PIGM: variants seen among roughly 807,000 people sequenced by gnomAD.
PIGM encodes the protein phosphatidylinositol glycan anchor biosynthesis class M.
Under a neutral mutation model 14.6 loss-of-function variants are expected in PIGM, and 7 were observed. The observed-to-expected ratio is 0.48, with a 90% CI of 0.27 to 0.90. The LOEUF is 0.90. PIGM is among the 40% of genes least tolerant of loss of function. PIGM has a pLI of 0.12. For missense variants in PIGM, 506 were observed against 516.2 expected (o/e 0.98, Z 0.19); for synonymous variants, 216 against 215.9 (o/e 1.00, Z 0.00).
chr1:160,030,157 T>G lies in PIGM; in HGVS notation c.*311A>C. On this transcript the variant is annotated 3_prime_UTR_variant, in exon 1 of 1. Coordinates refer to ENST00000368090, the MANE Select transcript of PIGM (RefSeq NM_145167.3). ...AACAAATACTGGCTTAAACCTGATG[T>G]CTCTAACTATATTCCTCTATTTTAA... 3 of 327,188 alleles carry G rather than the reference T, an allele frequency of 9.2e-6. No individual in the cohort carries two copies. The highest frequency in any genetic ancestry group is 1.8e-5 in the Non-Finnish European group (3 of 169,670). The allele number at this position is 327,188 out of a possible 1,614,324, so 20.3% of individuals were successfully genotyped here. A position where few individuals can be genotyped will look rare whatever the true frequency, so the allele number is the denominator to read the frequency against.
At position 160,030,842 on chromosome 1, in the gene PIGM, T is replaced by A. The variant is rs145583018; in HGVS notation, c.898A>T (p.Ile300Phe). The part of the protein sequence containing the change: ...LGIAAFLPQL[I>F]LLSAVSFAYY... The stretch of plus-strand genomic sequence containing the variant: ...GCGAAAGACACAGCTGAAAGCAAGA[T>A]GAGCTGTGGCAGGAATGCAGCAATT... Residue 300 changes from isoleucine (I) to phenylalanine (F), a missense_variant, in exon 1 of 1, where the codon ATC becomes TTC. Physicochemically the swap from Ile to Phe is conservative, Grantham distance 21. Coordinates refer to ENST00000368090, the MANE Select transcript of PIGM (RefSeq NM_145167.3). The A allele has an allele frequency of 1.2e-6, 2 of 1,614,242 alleles. No individual in the cohort carries two copies. Among genetic ancestry groups the A allele is most frequent in the African/African-American group, 1.3e-5 (1 of 75,060 alleles).
In PIGM at chr1:160,025,953, T is replaced by C. The variant is rs537256145; in HGVS notation, c.*4515A>G. ...CCCAAAATTGGTTAATCATGAAAAA[T>C]TTACCATCATCAAGATGTAAAATAA... On this transcript the variant is annotated 3_prime_UTR_variant, in exon 1 of 1. Coordinates refer to ENST00000368090, the MANE Select transcript of PIGM (RefSeq NM_145167.3). The C allele has an allele frequency of 7.9e-5, 12 of 152,034 alleles. No homozygotes were observed. Among genetic ancestry groups the C allele is most frequent in the African/African-American group, 2.4e-4 (10 of 41,456 alleles). The allele number at this position is 152,034 out of a possible 1,614,324, so 9.4% of individuals were successfully genotyped here.
In PIGM at chr1:160,029,450, G is replaced by A. The variant is rs1299445138; in HGVS notation, c.*1018C>T. 1.4e-5 allele frequency: 2 copies of A among 142,434 alleles called. No individual in the cohort carries two copies. The highest frequency in any genetic ancestry group is 3.0e-5 in the Non-Finnish European group (2 of 66,758). The allele number at this position is 142,434 out of a possible 1,614,324, so 8.8% of individuals were successfully genotyped here. A position where few individuals can be genotyped will look rare whatever the true frequency, so the allele number is the denominator to read the frequency against. On this transcript the variant is annotated 3_prime_UTR_variant, in exon 1 of 1. Transcript: ENST00000368090. Reference sequence around the variant, plus strand: ...CTTGCTCTGTCGCCCAGGCTGGAGCGCAGTGGTGCCATCTCGGCTCACTAC... The same window carrying A: ...CTTGCTCTGTCGCCCAGGCTGGAGCACAGTGGTGCCATCTCGGCTCACTAC...
At position 160,026,179 on chromosome 1, in the gene PIGM, C is replaced by G. The variant is rs571361085; in HGVS notation, c.*4289G>C. The G allele has an allele frequency of 3.9e-5, 6 of 152,266 alleles. No individual in the cohort carries two copies. The highest frequency in any genetic ancestry group is 7.2e-5 in the African/African-American group (3 of 41,544). 9.4% of individuals were successfully genotyped at this position (152,266 alleles called of 1,614,324 possible). A position where few individuals can be genotyped will look rare whatever the true frequency, so the allele number is the denominator to read the frequency against. ...TGATGGAAGGTAAACCCCTTTAGTTCTCACTTTGTTTTTAAGACTAGGAAA... is the reference window on the plus strand; with the variant it reads ...TGATGGAAGGTAAACCCCTTTAGTTGTCACTTTGTTTTTAAGACTAGGAAA... On this transcript the variant is annotated 3_prime_UTR_variant, in exon 1 of 1. Transcript: ENST00000368090.
In PIGM at chr1:160,030,890, T is replaced by C. The variant is rs762950078; in HGVS notation, c.850A>G (p.Ser284Gly). 1 of 1,614,132 alleles carries C rather than the reference T, an allele frequency of 6.2e-7. No individual in the cohort carries two copies. Among genetic ancestry groups the C allele is most frequent in the Non-Finnish European group, 8.5e-7 (1 of 1,180,054 alleles). Residue 284 changes from serine to glycine, a missense_variant, in exon 1 of 1, where the codon AGC (serine) becomes GGC (glycine). Ser to Gly is a moderately conservative substitution (Grantham distance 56, BLOSUM62 0). Coordinates refer to ENST00000368090, the MANE Select transcript of PIGM (RefSeq NM_145167.3). ...ATTCCCAGGGAAAAACTCCACTTGC[T>C]CTCTGCAGTCAAATACAGCATGTAG... ...YFYMLYLTAE[S>G]KWSFSLGIAA...
rs1648175699 is a variant in PIGM, at chr1:160,026,072, A to G, written c.*4396T>C. The G allele has an allele frequency of 6.6e-6, 1 of 152,202 alleles. No individual in the cohort carries two copies. The highest frequency in any genetic ancestry group is 1.5e-5 in the Non-Finnish European group (1 of 68,038). The allele number at this position is 152,202 out of a possible 1,614,324, so 9.4% of individuals were successfully genotyped here. Reference sequence around the variant, plus strand: ...CTTTTATCTGGAAAACCTACCAGATAAAACAAAGAGATTACCACCCCCATG... The same window carrying G: ...CTTTTATCTGGAAAACCTACCAGATGAAACAAAGAGATTACCACCCCCATG... On this transcript the variant is annotated 3_prime_UTR_variant, in exon 1 of 1. Coordinates refer to ENST00000368090, the MANE Select transcript of PIGM (RefSeq NM_145167.3).
chr1:160,031,933 T>A lies in PIGM; in HGVS notation c.-194A>T, dbSNP rs1648352937. ...GCTACCTGTCTCCAGCCCCGCGCGGTCTTCTCAGCCGCCCGAGCCAAAAAC... is the reference window on the plus strand; with the variant it reads ...GCTACCTGTCTCCAGCCCCGCGCGGACTTCTCAGCCGCCCGAGCCAAAAAC... On this transcript the variant is annotated 5_prime_UTR_variant, in exon 1 of 1. Coordinates refer to ENST00000368090, the MANE Select transcript of PIGM (RefSeq NM_145167.3). 1.3e-6 allele frequency: 1 copy of A among 750,614 alleles called. No homozygotes were observed. Among genetic ancestry groups the A allele is most frequent in the Admixed American group, 2.1e-5 (1 of 46,928 alleles). The allele number at this position is 750,614 out of a possible 1,614,324, so 46.5% of individuals were successfully genotyped here. A position where few individuals can be genotyped will look rare whatever the true frequency, so the allele number is the denominator to read the frequency against.
In PIGM at chr1:160,031,871, G is replaced by A; in HGVS notation, c.-132C>T. The A allele has an allele frequency of 9.4e-7, 1 of 1,067,074 alleles. No homozygotes were observed. Among genetic ancestry groups the A allele is most frequent in the Non-Finnish European group, 1.4e-6 (1 of 704,406 alleles). The allele number at this position is 1,067,074 out of a possible 1,614,324, so 66.1% of individuals were successfully genotyped here. ...CAGGCTGCCAACCGAAACGACTGCA[G>A]ACTATCACATCCGGCATGAAGCCCC... On this transcript the variant is annotated 5_prime_UTR_variant, in exon 1 of 1. Coordinates refer to ENST00000368090, the MANE Select transcript of PIGM (RefSeq NM_145167.3).
At position 160,028,340 on chromosome 1, in the gene PIGM, C is replaced by T. The variant is rs1648230933; in HGVS notation, c.*2128G>A. The T allele has an allele frequency of 6.6e-6, 1 of 151,778 alleles. No individual in the cohort carries two copies. Among genetic ancestry groups the T allele is most frequent in the African/African-American group, 2.4e-5 (1 of 41,314 alleles). 9.4% of individuals were successfully genotyped at this position (151,778 alleles called of 1,614,324 possible). The stretch of plus-strand genomic sequence containing the variant: ...GGAAAAAAAGGTAAGAATGCTATGG[C>T]TGGAAGGCCACTAGTAAACAAGCAC... On this transcript the variant is annotated 3_prime_UTR_variant, in exon 1 of 1. Coordinates refer to ENST00000368090, the MANE Select transcript of PIGM (RefSeq NM_145167.3).
chr1:160,031,753 G>T lies in PIGM; in HGVS notation c.-14C>A, dbSNP rs751428141. The T allele has an allele frequency of 3.1e-6, 5 of 1,613,798 alleles. No homozygotes were observed. In the Admixed American group the frequency reaches 6.7e-5, roughly 22 times the overall value. ...GGTGGAGCCCATGATCTGACCGTGCGACAGCTGCTTAGCCCCAGCTCCAAA... is the reference window on the plus strand; with the variant it reads ...GGTGGAGCCCATGATCTGACCGTGCTACAGCTGCTTAGCCCCAGCTCCAAA... On this transcript the variant is annotated 5_prime_UTR_variant, in exon 1 of 1. Transcript: ENST00000368090.
chr1:160,025,051 T>A lies in PIGM; in HGVS notation c.*5417A>T, dbSNP rs1229175925. ...TAGTCAAACATTTATTTTATATAAATATAATTTCCTTGCCTATATCCATTA... is the reference window on the plus strand; with the variant it reads ...TAGTCAAACATTTATTTTATATAAAAATAATTTCCTTGCCTATATCCATTA... On this transcript the variant is annotated 3_prime_UTR_variant, in exon 1 of 1. Coordinates refer to ENST00000368090, the MANE Select transcript of PIGM (RefSeq NM_145167.3). The A allele has an allele frequency of 6.6e-6, 1 of 152,228 alleles. No homozygotes were observed. The highest frequency in any genetic ancestry group is 1.5e-5 in the Non-Finnish European group (1 of 68,040). 9.4% of individuals were successfully genotyped at this position (152,228 alleles called of 1,614,324 possible).
At position 160,030,253 on chromosome 1, in the gene PIGM, T is replaced by A; in HGVS notation, c.*215A>T. 1.9e-6 allele frequency: 1 copy of A among 521,784 alleles called. No homozygotes were observed. 32.3% of individuals were successfully genotyped at this position (521,784 alleles called of 1,614,324 possible). The stretch of plus-strand genomic sequence containing the variant: ...ATATGTGACCTTTATTCCCACCATG[T>A]CCCAAATAAACGAGTCCTAGGATTT... On this transcript the variant is annotated 3_prime_UTR_variant, in exon 1 of 1. Transcript: ENST00000368090.
Position 160,028,791 on chromosome 1 carries a change from A to T in PIGM, c.*1677T>A, listed in dbSNP as rs1007577988. On this transcript the variant is annotated 3_prime_UTR_variant, in exon 1 of 1. Coordinates refer to ENST00000368090, the MANE Select transcript of PIGM (RefSeq NM_145167.3). ...CAAGCCTAGACAGGCTGTTTAATTAAAAAAAAAAATGTAAGGATGCTTGTT... is the reference window on the plus strand; with the variant it reads ...CAAGCCTAGACAGGCTGTTTAATTATAAAAAAAAATGTAAGGATGCTTGTT... 6.5e-3 allele frequency: 50 copies of T among 7,744 alleles called. No individual in the cohort carries two copies. Among genetic ancestry groups the T allele is most frequent in the African/African-American group, 0.043 (46 of 1,078 alleles). The allele number at this position is 7,744 out of a possible 1,614,324, so 0.5% of individuals were successfully genotyped here.
chr1:160,028,997 T>C lies in PIGM; in HGVS notation c.*1471A>G, dbSNP rs1648244605. The C allele has an allele frequency of 6.6e-6, 1 of 152,184 alleles. No homozygotes were observed. Among genetic ancestry groups the C allele is most frequent in the African/African-American group, 2.4e-5 (1 of 41,436 alleles). The allele number at this position is 152,184 out of a possible 1,614,324, so 9.4% of individuals were successfully genotyped here. ...CCCTCACAGGTCTGCATTTCTATCA[T>C]GGAATTTTTGATTTTTTTTTTTAAG... On this transcript the variant is annotated 3_prime_UTR_variant, in exon 1 of 1. Transcript: ENST00000368090.
In PIGM at chr1:160,025,282, G is replaced by C. The variant is rs996827442; in HGVS notation, c.*5186C>G. Reference sequence around the variant, plus strand: ...ATCTAGATATGATAATCTTGCTCAGGATCATGCACTGGGATTTGAACCTAA... The same window carrying C: ...ATCTAGATATGATAATCTTGCTCAGCATCATGCACTGGGATTTGAACCTAA... On this transcript the variant is annotated 3_prime_UTR_variant, in exon 1 of 1. Coordinates refer to ENST00000368090, the MANE Select transcript of PIGM (RefSeq NM_145167.3). 2.6e-5 allele frequency: 4 copies of C among 152,168 alleles called. No individual in the cohort carries two copies. The highest frequency in any genetic ancestry group is 5.9e-5 in the Non-Finnish European group (4 of 68,036). 9.4% of individuals were successfully genotyped at this position (152,168 alleles called of 1,614,324 possible). A position where few individuals can be genotyped will look rare whatever the true frequency, so the allele number is the denominator to read the frequency against.
rs1168408669 is a variant in PIGM, at chr1:160,031,394, G to A, written c.346C>T (p.Leu116=). The change falls in exon 1 of 1, where the codon CTG becomes TTG. Residue 116 remains leucine, a synonymous_variant. Transcript: ENST00000368090. The stretch of plus-strand genomic sequence containing the variant: ...GCCTGGCGGCGCCCCAGCCCCTTCA[G>A]CAGCAGCAGGCGGTATAAGAGGAAA... ...TAFLLYRLLL[L]KGLGRRQACG... The A allele has an allele frequency of 1.9e-6, 3 of 1,607,222 alleles. No individual in the cohort carries two copies. Among genetic ancestry groups the A allele is most frequent in the Non-Finnish European group, 2.6e-6 (3 of 1,174,810 alleles).
rs1197097289 is a variant in PIGM at position 160,026,750 on chromosome 1, C to G, written c.*3718G>C. 6.6e-6 allele frequency: 1 copy of G among 152,152 alleles called. No individual in the cohort carries two copies. The highest frequency in any genetic ancestry group is 2.4e-5 in the African/African-American group (1 of 41,432). 9.4% of individuals were successfully genotyped at this position (152,152 alleles called of 1,614,324 possible). On this transcript the variant is annotated 3_prime_UTR_variant, in exon 1 of 1. Transcript: ENST00000368090. The stretch of plus-strand genomic sequence containing the variant: ...GGCTGAGGAGGAAGGATCACTTGAG[C>G]CTGGGAGTTCGGCTGCAGTGAGCCA...
rs890854146 is a variant in PIGM, at chr1:160,030,296, A to G, written c.*172T>C. On this transcript the variant is annotated 3_prime_UTR_variant, in exon 1 of 1. Coordinates refer to ENST00000368090, the MANE Select transcript of PIGM (RefSeq NM_145167.3). ...TAGGATTTCCTAGAAGGTGGACCTCAATTATTGTGTCCCTTTTATATATAA... is the reference window on the plus strand; with the variant it reads ...TAGGATTTCCTAGAAGGTGGACCTCGATTATTGTGTCCCTTTTATATATAA... 1 of 679,270 alleles carries G rather than the reference A, an allele frequency of 1.5e-6. No individual in the cohort carries two copies. The highest frequency in any genetic ancestry group is 2.7e-5 in the East Asian group (1 of 37,096). The allele number at this position is 679,270 out of a possible 1,614,324, so 42.1% of individuals were successfully genotyped here. A position where few individuals can be genotyped will look rare whatever the true frequency, so the allele number is the denominator to read the frequency against.
rs1648248175 is a variant in PIGM, at chr1:160,029,150, C to T, written c.*1318G>A. ...AAAGTCTTGCTTTAGCAATCAAAAA[C>T]TTAAAAACAAAGGGGTAAGAGGATA... On this transcript the variant is annotated 3_prime_UTR_variant, in exon 1 of 1. Transcript: ENST00000368090. 1.3e-5 allele frequency: 2 copies of T among 152,058 alleles called. No homozygotes were observed. Among genetic ancestry groups the T allele is most frequent in the South Asian group, 4.1e-4 (2 of 4,828 alleles). The allele number at this position is 152,058 out of a possible 1,614,324, so 9.4% of individuals were successfully genotyped here. A position where few individuals can be genotyped will look rare whatever the true frequency, so the allele number is the denominator to read the frequency against.
Sources: gnomAD v4.1 joint callset for allele counts on GRCh38, gnomAD v4.1.1 for gene constraint, MANE v1.5 for transcripts, NCBI Gene and HGNC (gene_info 2026-07-23, HGNC 2026-07-21) for gene names.